AOAH: variants seen among roughly 807,000 people sequenced by gnomAD.
AOAH encodes the protein acyloxyacyl hydrolase, also known as acyloxyacyl hydrolase (neutrophil).
AOAH carries 64 observed loss-of-function variants against 92.2 expected under a neutral mutation model. That is an observed-to-expected ratio of 0.69 (90% CI 0.57 to 0.86). The LOEUF is 0.86. AOAH is among the 40% of genes least tolerant of loss of function. AOAH has a pLI of 0.00. For missense variants in AOAH, 656 were observed against 694.6 expected, an observed-to-expected ratio of 0.94 and a Z score of 0.62; for synonymous variants, 263 against 254.5, an observed-to-expected ratio of 1.03 and a Z score of -0.32.
At chr7:36,527,012 G>A (rs533116264) in intron 19 of AOAH, among the ~76,000 whole-genome samples, 5 of 152,364 alleles carry the variant, frequency 3.3e-5, no homozygotes, top group African/African-American at 9.6e-5. Flanking sequence ...TGTCAGCCAA[G>A]TGGCATTTTC....
At chr7:36,702,297 TA>T (rs1798077760) in intron 1 of AOAH, among the ~76,000 whole-genome samples, 1 of 152,216 alleles carries the variant, frequency 6.6e-6, no homozygotes, top group African/African-American at 2.4e-5. Context: ...CATGTGGTGT[TA>T]TTTTCCTTCT....
At chr7:36,579,340 C>T (rs1407072815) in intron 12 of AOAH, among the ~76,000 whole-genome samples, 5 of 150,892 alleles carry the variant, frequency 3.3e-5, no homozygotes, top group African/African-American at 1.2e-4. Flanking sequence ...GAATAATTGG[C>T]CAGCCAAGCT....
chr7:36,680,841 C>A (rs12672918), intron 2 of AOAH, among the ~76,000 whole-genome samples: 29,501 of 152,040 alleles, frequency 0.19, 3,082 homozygotes, highest in East Asian at 0.27. Flanking sequence ...AATATTTATC[C>A]TGTTTCCCTT....
At chr7:36,579,774 C>CAGATTA (rs1788803919) in intron 12 of AOAH, among the ~76,000 whole-genome samples, 1 of 152,188 alleles carries the variant, frequency 6.6e-6, no homozygotes, top group African/African-American at 2.4e-5. Context: ...TGTGCCCACC[C>CAGATTA]AGATTAAGGT....
At chr7:36,723,839 A>C (rs778592690) in intron 1 of AOAH, among the ~76,000 whole-genome samples, 183 bp downstream of exon 1, 1 of 152,152 alleles carries the variant, frequency 6.6e-6, no homozygotes, top group Non-Finnish European at 1.5e-5. Flanking sequence ...ATTCACATAG[A>C]TGTATGTAGT....
At chr7:36,573,544 C>G (rs1165102407) in intron 13 of AOAH, among the ~76,000 whole-genome samples, 1 of 152,072 alleles carries the variant, frequency 6.6e-6, no homozygotes, top group African/African-American at 2.4e-5. Flanking sequence ...ATGGTGAAAC[C>G]CTGTCTCTAC....
intron 1 of AOAH, among the ~76,000 whole-genome samples, chr7:36,722,305 A>C (rs73346022): frequency 0.026 from 3,906 of 152,226 alleles, 160 homozygotes; most frequent in African/African-American, 0.09. Context: ...CTATGACCTC[A>C]CTGGGAACAG....
At chr7:36,519,011 A>T (rs1240249676) in intron 20 of AOAH, among the ~76,000 whole-genome samples, 1 of 152,216 alleles carries the variant, frequency 6.6e-6, no homozygotes, top group Admixed American at 6.5e-5. Context: ...CATTTAAAAA[A>T]TCTTTTTAAA....
chr7:36,561,155 C>A (rs547201089), intron 13 of AOAH, among the ~76,000 whole-genome samples: 16 of 151,974 alleles, frequency 1.1e-4, no homozygotes, highest in African/African-American at 3.9e-4. Context: ...GATTCTCCTG[C>A]CTCAGCCTCC....
At chr7:36,594,757 G>A in intron 11 of AOAH, 1 of 353,940 alleles carries the variant, frequency 2.8e-6, no homozygotes, top group Non-Finnish European at 5.4e-6. Flanking sequence ...CCATTTTGCA[G>A]TTTAGGCCAT....
At chr7:36,579,775 A>G (rs79296940) in intron 12 of AOAH, among the ~76,000 whole-genome samples, 2 of 152,202 alleles carry the variant, frequency 1.3e-5, no homozygotes, top group Admixed American at 6.5e-5. Context: ...GTGCCCACCC[A>G]GATTAAGGTT....
rs143636823 is a variant in AOAH, at chr7:36,568,119, T to G, written c.1021+8455A>C. Among the ~76,000 whole-genome samples, 132 of 152,256 alleles carry G rather than the reference T, an allele frequency of 8.7e-4. 2 individuals carry two copies. The highest frequency in any genetic ancestry group is 2.8e-3 in the African/African-American group (118 of 41,562). Reference sequence around the variant, plus strand: ...CATCTTAGGCTAAAGAAAAAGGGATTTGGGCTTCTGAGTGGGGGAGGCAAG... The same window carrying G: ...CATCTTAGGCTAAAGAAAAAGGGATGTGGGCTTCTGAGTGGGGGAGGCAAG... On this transcript the variant is annotated intron_variant, in intron 13 of 20. Coordinates refer to ENST00000617537, the MANE Select transcript of AOAH (RefSeq NM_001637.4).
intron 3 of AOAH, among the ~76,000 whole-genome samples, chr7:36,671,637 G>T (rs922957239): frequency 2.3e-4 from 34 of 145,772 alleles, no homozygotes; most frequent in African/African-American, 8.5e-4. Context: ...GCATCTGTGT[G>T]TGTGCACGTG....
At chr7:36,551,076 CT>C (rs11373192) in intron 13 of AOAH, among the ~76,000 whole-genome samples, 76 of 136,908 alleles carry the variant, frequency 5.6e-4, no homozygotes, top group African/African-American at 1.4e-3. Context: ...TCATTTCTTT[CT>C]TTTTTTTTTT....
chr7:36,646,945 A>G (rs11764693), intron 4 of AOAH, among the ~76,000 whole-genome samples: 30,399 of 152,228 alleles, frequency 0.2, 3,323 homozygotes, highest in Middle Eastern at 0.24. Context: ...CACAGTTACG[A>G]GGGACTTGGA....
Position 36,623,229 on chromosome 7 carries a change from T to C in AOAH, c.543A>G (p.Pro181=). Residue 181 remains proline (P), a synonymous_variant, in exon 7 of 21, where the codon CCA becomes CCG. Transcript: ENST00000617537. The part of the protein sequence containing the change: ...KIKLAMEQSV[P]FKDVDSDKYS... ...ATTTGTCTGAATCCACATCTTTGAA[T>C]GGCACAGACTGTTCCATAGCTCTAG... The C allele has an allele frequency of 6.2e-7, 1 of 1,614,076 alleles. No homozygotes were observed. Among genetic ancestry groups the C allele is most frequent in the Admixed American group, 1.7e-5 (1 of 60,022 alleles).
In AOAH at chr7:36,676,369, A is replaced by G. The variant is rs145232340; in HGVS notation, c.224-2360T>C. 3.4e-3 allele frequency among the ~76,000 whole-genome samples: 524 copies of G among 152,342 alleles called. 4 individuals are homozygous for G. Among genetic ancestry groups the G allele is most frequent in the African/African-American group, 0.012 (510 of 41,588 alleles). On this transcript the variant is annotated intron_variant, in intron 2 of 20. Transcript: ENST00000617537. ...AAACAATTCCATTTACAGTAGCATC[A>G]AAAAGAACTAAATTCTTAGGAACAA... is the stretch of plus-strand genomic sequence containing the variant.
Position 36,513,395 on chromosome 7 carries a change from C to A in AOAH, c.1600-15G>T. The A allele has an allele frequency of 6.2e-7, 1 of 1,611,158 alleles. No homozygotes were observed. The highest frequency in any genetic ancestry group is 1.7e-5 in the Admixed American group (1 of 59,696). The stretch of plus-strand genomic sequence containing the variant: ...AGCAAAGCCACCTGTGAGAGAGAAC[C>A]CAAAGGACGAGGAAAAGGGAAATTA... On this transcript the variant is annotated splice_polypyrimidine_tract_variant and intron_variant, in intron 20 of 20. Coordinates refer to ENST00000617537, the MANE Select transcript of AOAH (RefSeq NM_001637.4).
chr7:36,610,781 G>T (rs984669904), intron 11 of AOAH, among the ~76,000 whole-genome samples: 4 of 152,102 alleles, frequency 2.6e-5, no homozygotes, highest in Non-Finnish European at 4.4e-5. Context: ...TGGCTGTTGG[G>T]TTGATGGTGG....
Sources: gnomAD v4.1 joint callset for allele counts (sites outside exome capture counted in the v4.1 genomes callset) on GRCh38, gnomAD v4.1.1 for gene constraint, MANE v1.5 for transcripts, NCBI Gene and HGNC (gene_info 2026-07-23, HGNC 2026-07-21) for gene names.